SYN1: variants seen among roughly 807,000 people sequenced by gnomAD.
SYN1 encodes synapsin I.
SYN1 carries 8 observed loss-of-function variants against 44.6 expected under a neutral mutation model. That is an observed-to-expected ratio of 0.18 (90% CI 0.11 to 0.32). SYN1 has a LOEUF of 0.32. SYN1 is among the 10% of genes least tolerant of loss of function. The pLI is 1.00. For synonymous variants in SYN1, 275 were observed against 280.1 expected (o/e 0.98, Z 0.18); for missense variants, 451 against 639.4 (o/e 0.71, Z 3.18).
At chrX:47,617,922 C>T (rs545925704) in intron 1 of SYN1, among the ~76,000 whole-genome samples, 4 of 111,443 alleles carry the variant, frequency 3.6e-5, no homozygotes, top group Admixed American at 1.9e-4. Flanking sequence ...GACATATAGT[C>T]ACCTGATCAA....
At chrX:47,573,257 G>A (rs996728462) in intron 12 of SYN1, among the ~76,000 whole-genome samples, 3 of 111,843 alleles carry the variant, frequency 2.7e-5, no homozygotes, top group Non-Finnish European at 3.8e-5. Flanking sequence ...TGGATCCAGG[G>A]TGAAGTGTGG....
At position 47,619,332 on chromosome X, in the gene SYN1, C is replaced by G; in HGVS notation, c.377+20G>C. On this transcript the variant is annotated intron_variant, in intron 1 of 12. Transcript: ENST00000295987. Reference sequence around the variant, plus strand: ...TCTGGGGACCCAGGCCCACGGGAGACGTCCGCGGCAGTGGCTTACCAGTCG... The same window carrying G: ...TCTGGGGACCCAGGCCCACGGGAGAGGTCCGCGGCAGTGGCTTACCAGTCG... 8.3e-7 allele frequency: 1 copy of G among 1,200,707 alleles called. No individual in the cohort carries two copies. Among genetic ancestry groups the G allele is most frequent in the Non-Finnish European group, 1.1e-6 (1 of 894,422 alleles).
At chrX:47,590,659 G>A (rs981438778) in intron 5 of SYN1, among the ~76,000 whole-genome samples, 2 of 110,981 alleles carry the variant, frequency 1.8e-5, no homozygotes, top group African/African-American at 6.6e-5. Flanking sequence ...TCAGGGAGGA[G>A]CCCAGAAAGG....
At chrX:47,595,498 C>T (rs908636344) in intron 5 of SYN1, among the ~76,000 whole-genome samples, 3 of 111,703 alleles carry the variant, frequency 2.7e-5, no homozygotes, top group Non-Finnish European at 5.6e-5. Context: ...GGACATCCAG[C>T]TGGTATATTA....
chrX:47,615,598 TGACCCATA>T (rs1468802716), intron 1 of SYN1, among the ~76,000 whole-genome samples: 1 of 112,293 alleles, frequency 8.9e-6, no homozygotes, highest in East Asian at 2.8e-4. Flanking sequence ...AGCCAATAGG[TGACCCATA>T]GTTTGAGAAA....
intron 1 of SYN1, among the ~76,000 whole-genome samples, chrX:47,615,216 ATGT>A (rs1319309331): frequency 8.9e-6 from 1 of 112,151 alleles, no homozygotes; most frequent in Admixed American, 9.5e-5. Context: ...AACATATAAA[ATGT>A]TGTATATTAC....
intron 1 of SYN1, among the ~76,000 whole-genome samples, chrX:47,610,468 C>T (rs1377960288): frequency 9.5e-6 from 1 of 105,201 alleles, no homozygotes; most frequent in Non-Finnish European, 2.0e-5. Flanking sequence ...GTCTACCCCC[C>T]ACCTACCCTC....
chrX:47,594,223 C>A (rs764815716), intron 5 of SYN1, among the ~76,000 whole-genome samples: 1 of 100,861 alleles, frequency 9.9e-6, no homozygotes, highest in Admixed American at 1.1e-4. Context: ...GACAGAGTCA[C>A]GGACTCTATC....
chrX:47,586,889 GT>G, intron 5 of SYN1: 1 of 472,753 alleles, frequency 2.1e-6, no homozygotes, highest in Non-Finnish European at 3.4e-6. Flanking sequence ...CAAATGTTGG[GT>G]TTTTATATTT....
chrX:47,609,593 C>T (rs1338739947), intron 1 of SYN1, among the ~76,000 whole-genome samples: 1 of 112,306 alleles, frequency 8.9e-6, no homozygotes, highest in Non-Finnish European at 1.9e-5. Context: ...AAACAGTGGG[C>T]CATGGAAGTC....
chrX:47,608,886 G>C (rs866159674), intron 1 of SYN1, among the ~76,000 whole-genome samples: 9 of 89,543 alleles, frequency 1.0e-4, no homozygotes, highest in African/African-American at 1.3e-4. Flanking sequence ...GTCTTGGACA[G>C]ACACACACAC....
At chrX:47,583,740 C>T (rs1364702302) in intron 5 of SYN1, among the ~76,000 whole-genome samples, 2 of 112,097 alleles carry the variant, frequency 1.8e-5, no homozygotes, top group African/African-American at 6.5e-5. Flanking sequence ...CTCCCTCTGC[C>T]TGGTACACTT....
intron 1 of SYN1, among the ~76,000 whole-genome samples, chrX:47,614,055 C>T (rs772854242): frequency 2.7e-5 from 3 of 111,918 alleles, no homozygotes; most frequent in Non-Finnish European, 5.6e-5. Flanking sequence ...ACACTGCTAC[C>T]AGGGGACACA....
At chrX:47,607,913 C>G (rs2057903526) in intron 1 of SYN1, among the ~76,000 whole-genome samples, 2 of 110,738 alleles carry the variant, frequency 1.8e-5, no homozygotes, top group Non-Finnish European at 3.8e-5. Flanking sequence ...GCCTGTATTC[C>G]CAGCTACTTG....
Position 47,574,318 on chromosome X carries a change from G to A in SYN1, c.1666C>T (p.Arg556Cys), listed in dbSNP as rs1441575488. The A allele has an allele frequency of 1.9e-6, 2 of 1,075,767 alleles. No individual in the cohort carries two copies. Among genetic ancestry groups the A allele is most frequent in the East Asian group, 8.0e-5 (2 of 25,083 alleles). 88.7% of individuals were successfully genotyped at this position (1,075,767 alleles called of 1,213,427 possible). A position where few individuals can be genotyped will look rare whatever the true frequency, so the allele number is the denominator to read the frequency against. ...GTAGCCTGTGGGGGGCCCGCCTGGC[G>A]CTGGGGAGACGGAGAGGCGGGCGGG... ...ARPPASPSPQ[R>C]QAGPPQATRQ... Residue 556 changes from arginine to cysteine, a missense_variant, in exon 12 of 13, where the codon CGC becomes TGC. By Grantham distance (180) the Arg-to-Cys change is radical. Transcript: ENST00000295987.
intron 9 of SYN1, among the ~76,000 whole-genome samples, chrX:47,575,788 G>T: frequency 1.8e-5 from 2 of 111,737 alleles, no homozygotes; most frequent in East Asian, 2.8e-4. Flanking sequence ...CTGCTTCACG[G>T]TTTTCTAGGT....
Position 47,604,790 on chromosome X carries a change from A to AT in SYN1, c.774+187dup. The AT allele has an allele frequency of 1.7e-5, 8 of 474,445 alleles. No homozygotes were observed. The South Asian group carries it at 2.4e-4, about 14-fold the overall frequency. 39.1% of individuals were successfully genotyped at this position (474,445 alleles called of 1,213,427 possible). A position where few individuals can be genotyped will look rare whatever the true frequency, so the allele number is the denominator to read the frequency against. On this transcript the variant is annotated intron_variant, in intron 5 of 12. Coordinates refer to ENST00000295987, the MANE Select transcript of SYN1 (RefSeq NM_006950.3). The stretch of plus-strand genomic sequence containing the variant: ...GATCTGATACATATTAGAATGGATC[A>AT]TGATTTAGTTTTCCTTGTAAGCATA...
rs1336931808 is a variant in SYN1, at chrX:47,572,670, C to CG, written c.*193_*194insC. 3.8e-6 allele frequency: 2 copies of CG among 519,754 alleles called. No homozygotes were observed. The highest frequency in any genetic ancestry group is 4.8e-5 in the African/African-American group (2 of 41,609). 42.8% of individuals were successfully genotyped at this position (519,754 alleles called of 1,213,427 possible). ...GTTCTAAAAGGACTTGGGGATTCCA[C>CG]ATGTGAGAACCGGATTTAGGGCCAG... On this transcript the variant is annotated 3_prime_UTR_variant, in exon 13 of 13. Coordinates refer to ENST00000295987, the MANE Select transcript of SYN1 (RefSeq NM_006950.3).
intron 5 of SYN1, among the ~76,000 whole-genome samples, chrX:47,599,640 A>C (rs940468781): frequency 8.9e-6 from 1 of 112,720 alleles, no homozygotes; most frequent in African/African-American, 3.2e-5. Flanking sequence ...TATAAATAGA[A>C]TGATGTCTTT....
Sources: allele counts gnomAD v4.1 joint callset (sites outside exome capture counted in the v4.1 genomes callset), GRCh38; gene constraint gnomAD v4.1.1; transcripts MANE v1.5; gene names NCBI Gene and HGNC (gene_info 2026-07-23, HGNC 2026-07-21).